The following PDE8B variants were observed in gnomAD, a reference collection of about 807,000 sequenced individuals.
PDE8B encodes the protein phosphodiesterase 8B, also known as high affinity cAMP-specific and IBMX-insensitive 3',5'-cyclic phosphodiesterase 8B.
In PDE8B, 26 loss-of-function variants were observed where a neutral mutation model predicts 101.3. The observed-to-expected ratio is 0.26, with a 90% confidence interval of 0.19 to 0.36. PDE8B has a LOEUF of 0.36. PDE8B is among the 10% of genes least tolerant of loss of function. The pLI, the probability that PDE8B is intolerant of heterozygous loss-of-function variation, is 1.00. For missense variants in PDE8B, 810 were observed against 1,163.1 expected, an observed-to-expected ratio of 0.70 and a Z score of 4.42; for synonymous variants, 424 against 429.3, an observed-to-expected ratio of 0.99 and a Z score of 0.15.
the PDE8B span, among the ~76,000 whole-genome samples, chr5:77,172,812 G>A: frequency 9.5e-3 from 1,441 of 152,270 alleles, 17 homozygotes; most frequent in African/African-American, 0.032. Flanking sequence ...AGTGGGTGTC[G>A]GAGTAGGTAA....
At chr5:77,147,023 G>T in the PDE8B span, 1 of 460,176 alleles carries the variant, frequency 2.2e-6, no homozygotes, top group South Asian at 1.7e-5. Flanking sequence ...CTGTGAAGCT[G>T]AAGGAAAAAT....
At chr5:77,232,303 T>C (rs1753742323) in intron 1 of PDE8B, among the ~76,000 whole-genome samples, 1 of 152,242 alleles carries the variant, frequency 6.6e-6, no homozygotes, top group Non-Finnish European at 1.5e-5. Flanking sequence ...ATTTTCCCAA[T>C]ATATTAGTGC....
chr5:77,259,925 GC>G (rs1227537685), intron 1 of PDE8B, among the ~76,000 whole-genome samples: 1 of 152,274 alleles, frequency 6.6e-6, no homozygotes, highest in Admixed American at 6.5e-5. Context: ...AGTTTGGGAG[GC>G]CGAGGTGGGT....
intron 1 of PDE8B, among the ~76,000 whole-genome samples, chr5:77,233,471 A>G (rs1753999965): frequency 6.6e-6 from 1 of 152,186 alleles, no homozygotes; most frequent in African/African-American, 2.4e-5. Flanking sequence ...ATAGCATTGT[A>G]AGATATCAAT....
Position 77,412,103 on chromosome 5 carries a change from T to TGCA in PDE8B, c.1581_1583dup (p.Val527_His528insGln). ...CCCATCCCATCTGTTTGCTCAGATGTGCACCAGAGTCACAGTCACCTTGCA... is the reference window on the plus strand; with the variant it reads ...CCCATCCCATCTGTTTGCTCAGATGTGCAGCACCAGAGTCACAGTCACCTTGCA... On this transcript the variant is annotated inframe_insertion, in exon 16 of 22. Transcript: ENST00000264917. 1 of 1,614,132 alleles carries TGCA rather than the reference T, an allele frequency of 6.2e-7. No individual in the cohort carries two copies. The highest frequency in any genetic ancestry group is 1.6e-4 in the Middle Eastern group (1 of 6,062).
chr5:77,427,393 G>T lies in PDE8B; in HGVS notation c.*839G>T. 9.3e-6 allele frequency: 1 copy of T among 107,246 alleles called. No individual in the cohort carries two copies. The highest frequency in any genetic ancestry group is 4.2e-5 in the African/African-American group (1 of 23,694). 6.6% of individuals were successfully genotyped at this position (107,246 alleles called of 1,614,324 possible). On this transcript the variant is annotated 3_prime_UTR_variant, in exon 22 of 22. Coordinates refer to ENST00000264917, the MANE Select transcript of PDE8B (RefSeq NM_003719.5). ...ATTAAATTTGAATGCCCTTGGACAA[G>T]CTTTTCTTAAAAAAAAAAAAAAAAA...
chr5:77,155,568 A>G, the PDE8B span, among the ~76,000 whole-genome samples: 1 of 152,166 alleles, frequency 6.6e-6, no homozygotes, highest in Non-Finnish European at 1.5e-5. Flanking sequence ...AATAGTGTGT[A>G]TTTCCTGAGC....
chr5:77,388,132 G>C (rs1225250679), intron 10 of PDE8B, among the ~76,000 whole-genome samples: 3 of 152,134 alleles, frequency 2.0e-5, no homozygotes, highest in Non-Finnish European at 1.5e-5. Flanking sequence ...GCAAGGAGTT[G>C]TGATCCTTTG....
At chr5:77,411,747 A>G (rs777326397) in intron 15 of PDE8B, 26 bp downstream of exon 15, 14 of 1,548,064 alleles carry the variant, frequency 9.0e-6, no homozygotes, top group Non-Finnish European at 1.3e-5. Context: ...TTTACTTGTT[A>G]GTGTAACCTG....
At chr5:77,164,213 A>C in the PDE8B span, among the ~76,000 whole-genome samples, 3 of 152,212 alleles carry the variant, frequency 2.0e-5, no homozygotes, top group South Asian at 2.1e-4. Context: ...TGTGGAACCT[A>C]TCCTAGCTCT....
chr5:77,205,217 C>T, the PDE8B span, among the ~76,000 whole-genome samples: 1 of 152,196 alleles, frequency 6.6e-6, no homozygotes, highest in African/African-American at 2.4e-5. Context: ...CCTACACATT[C>T]TCTGTTTGCA....
intron 1 of PDE8B, among the ~76,000 whole-genome samples, chr5:77,228,169 C>G (rs1280638382): frequency 2.0e-5 from 3 of 152,156 alleles, no homozygotes; most frequent in African/African-American, 7.2e-5. Context: ...GCTTTAGCTC[C>G]TTGTTGACTG....
chr5:77,403,067 T>C (rs1465845319), intron 11 of PDE8B, among the ~76,000 whole-genome samples: 1 of 152,238 alleles, frequency 6.6e-6, no homozygotes, highest in Non-Finnish European at 1.5e-5. Context: ...TAAATTTCTC[T>C]ACTCGCTTAT....
At chr5:77,233,717 C>T (rs1440824882) in intron 1 of PDE8B, among the ~76,000 whole-genome samples, 1 of 141,192 alleles carries the variant, frequency 7.1e-6, no homozygotes, top group Non-Finnish European at 1.5e-5. Flanking sequence ...ACTTTTGTTG[C>T]ATTAGGTTAA....
chr5:77,127,993 C>A, the PDE8B span, among the ~76,000 whole-genome samples: 1 of 152,204 alleles, frequency 6.6e-6, no homozygotes, highest in African/African-American at 2.4e-5. Context: ...AGATCAAATT[C>A]TTTTAACCAT....
chr5:77,313,613 A>T lies in PDE8B; in HGVS notation c.399+1560A>T, dbSNP rs192291406. On this transcript the variant is annotated intron_variant, in intron 2 of 21. Coordinates refer to ENST00000264917, the MANE Select transcript of PDE8B (RefSeq NM_003719.5). ...ACACTGGCAATTAATGCTCATAAGGATGTCTCATTCTTTTAAAAATGTAAG... is the reference window on the plus strand; with the variant it reads ...ACACTGGCAATTAATGCTCATAAGGTTGTCTCATTCTTTTAAAAATGTAAG... 6.6e-4 allele frequency among the ~76,000 whole-genome samples: 100 copies of T among 152,288 alleles called. 1 individual carries two copies. The highest frequency in any genetic ancestry group is 2.1e-3 in the Admixed American group (32 of 15,296).
the PDE8B span, among the ~76,000 whole-genome samples, chr5:77,117,613 G>C: frequency 6.6e-6 from 1 of 152,134 alleles, no homozygotes; most frequent in Non-Finnish European, 1.5e-5. Context: ...GGGTCCACCA[G>C]TTCCGGAGAT....
chr5:77,403,214 G>A (rs752561985), intron 11 of PDE8B, among the ~76,000 whole-genome samples: 60 of 152,222 alleles, frequency 3.9e-4, no homozygotes, highest in Non-Finnish European at 5.3e-4. Flanking sequence ...ATGACCGTGC[G>A]TTTTCAGTGT....
the PDE8B span, among the ~76,000 whole-genome samples, chr5:77,176,604 C>T: frequency 3.3e-5 from 5 of 152,080 alleles, no homozygotes; most frequent in Admixed American, 6.5e-5. Context: ...GGAGAGGACA[C>T]GGGCCCACAC....
Sources: allele counts gnomAD v4.1 joint callset (sites outside exome capture counted in the v4.1 genomes callset), GRCh38; gene constraint gnomAD v4.1.1; transcripts MANE v1.5; gene names NCBI Gene and HGNC (gene_info 2026-07-23, HGNC 2026-07-21).